Variants in COL12A1 observed in about 807,000 individuals in gnomAD.
The protein encoded by COL12A1 is collagen alpha-1(XII) chain.
In COL12A1, 114 loss-of-function variants were observed where a neutral mutation model predicts 349.7. The observed-to-expected ratio is 0.33, with a 90% confidence interval of 0.28 to 0.38. COL12A1 has a LOEUF of 0.38. COL12A1 is among the 10% of genes least tolerant of loss of function. COL12A1 has a pLI of 1.00. For synonymous variants in COL12A1, 1,369 were observed against 1,329.0 expected (o/e 1.03, Z -0.66); for missense variants, 3,284 against 3,756.9 (o/e 0.87, Z 3.29).
chr6:75,098,470 A>C (rs1768154046), intron 58 of COL12A1, among the ~76,000 whole-genome samples: 1 of 152,204 alleles, frequency 6.6e-6, no homozygotes, highest in Admixed American at 6.5e-5. Flanking sequence ...CCTGGGCAAC[A>C]TAAGAAGACC....
In COL12A1 at chr6:75,181,217, T is replaced by TAA. The variant is rs11347601; in HGVS notation, c.1892-8_1892-7dup. ...ATCCTTTGGAGGGACGTAAGCTATTTAAAAAAAAAAAAAGACAGTTAAAAA... is the reference window on the plus strand; with the variant it reads ...ATCCTTTGGAGGGACGTAAGCTATTTAAAAAAAAAAAAAAAGACAGTTAAAAA... On this transcript the variant is annotated splice_polypyrimidine_tract_variant and splice_region_variant and intron_variant, in intron 10 of 65. Transcript: ENST00000322507. 0.046 allele frequency: 53,903 copies of TAA among 1,176,834 alleles called. 19 individuals carry two copies. The highest frequency in any genetic ancestry group is 0.059 in the East Asian group (2,136 of 36,162). The allele number at this position is 1,176,834 out of a possible 1,614,324, so 72.9% of individuals were successfully genotyped here.
intron 60 of COL12A1, among the ~76,000 whole-genome samples, chr6:75,092,090 A>G (rs1452523890): frequency 6.6e-6 from 1 of 152,204 alleles, no homozygotes; most frequent in African/African-American, 2.4e-5. Flanking sequence ...TCGGCAAACT[A>G]TCACAAGAAC....
Position 75,102,588 on chromosome 6 carries a change from T to C in COL12A1, c.8415+9A>G, listed in dbSNP as rs1768355775. Reference sequence around the variant, plus strand: ...ACTCTCATTTAATACAGAAAGGCTTTGTGCTTACTTGCTCTCCCGGAATAG... The same window carrying C: ...ACTCTCATTTAATACAGAAAGGCTTCGTGCTTACTTGCTCTCCCGGAATAG... On this transcript the variant is annotated intron_variant, in intron 56 of 65. Transcript: ENST00000322507. 1 of 1,516,256 alleles carries C rather than the reference T, an allele frequency of 6.6e-7. No homozygotes were observed. The highest frequency in any genetic ancestry group is 8.8e-7 in the Non-Finnish European group (1 of 1,134,998). 93.9% of individuals were successfully genotyped at this position (1,516,256 alleles called of 1,614,324 possible).
intron 21 of COL12A1, among the ~76,000 whole-genome samples, 195 bp from the exon 22 acceptor site, chr6:75,148,692 G>C (rs1044021829): frequency 3.9e-5 from 6 of 152,058 alleles, no homozygotes; most frequent in African/African-American, 1.5e-4. Flanking sequence ...TAACTAAAAG[G>C]TTTTCTAGCC....
intron 14 of COL12A1, 112 bp downstream of exon 14, chr6:75,165,395 T>C (rs554165655): frequency 7.3e-7 from 1 of 1,374,544 alleles, no homozygotes; most frequent in Admixed American, 2.1e-5. Context: ...TCCTCAGTCT[T>C]CATTTATCAT....
chr6:75,205,389 C>T (rs1481735890), intron 1 of COL12A1, among the ~76,000 whole-genome samples: 1 of 151,706 alleles, frequency 6.6e-6, no homozygotes, highest in African/African-American at 2.4e-5. Context: ...GCGCCCCCGC[C>T]GCACGCCTGC....
chr6:75,177,856 C>T lies in COL12A1; in HGVS notation c.2244G>A (p.Gly748=), dbSNP rs2149456961. ...ATATAATTCGATATCTTAAAACTCT[C>T]CCTGGAGCTTGAGTCCAAGTAATTT... ...SFKITWTQAP[G]RVLRYRIIYR... The change falls in exon 12 of 66, where the codon GGG becomes GGA. Residue 748 remains glycine, a synonymous_variant. Coordinates refer to ENST00000322507, the MANE Select transcript of COL12A1 (RefSeq NM_004370.6). 5 of 1,614,014 alleles carry T rather than the reference C, an allele frequency of 3.1e-6. No individual in the cohort carries two copies. Among genetic ancestry groups the T allele is most frequent in the Non-Finnish European group, 4.2e-6 (5 of 1,180,012 alleles).
At position 75,177,913 on chromosome 6, in the gene COL12A1, T is replaced by C. The variant is rs1364699563; in HGVS notation, c.2187A>G (p.Leu729=). Residue 729 remains leucine (L), a synonymous_variant, in exon 12 of 66, where the codon CTA becomes CTG. Coordinates refer to ENST00000322507, the MANE Select transcript of COL12A1 (RefSeq NM_004370.6). Reference sequence around the variant, plus strand: ...TATCTGTAGTCTCATCTGTCACCTTTAGGTTTCGAGGTGCTCCTTTTACTG... The same window carrying C: ...TATCTGTAGTCTCATCTGTCACCTTCAGGTTTCGAGGTGCTCCTTTTACTG... ...TEEVKGAPRN[L]KVTDETTDSF... 6.2e-7 allele frequency: 1 copy of C among 1,610,424 alleles called. No homozygotes were observed. The highest frequency in any genetic ancestry group is 1.3e-5 in the African/African-American group (1 of 75,014).
At chr6:75,088,796 C>T (rs935666010) in intron 64 of COL12A1, among the ~76,000 whole-genome samples, 3 of 151,642 alleles carry the variant, frequency 2.0e-5, no homozygotes, top group African/African-American at 7.3e-5. Context: ...GTCAGGAGAT[C>T]GAGACCATCC....
At chr6:75,107,611 A>G (rs369996460) in intron 52 of COL12A1, among the ~76,000 whole-genome samples, 139 of 152,308 alleles carry the variant, frequency 9.1e-4, no homozygotes, top group African/African-American at 3.1e-3. Flanking sequence ...GAAAAGTAAC[A>G]TTAAAGTAAA....
Position 75,165,756 on chromosome 6 carries a change from C to T in COL12A1, c.2734G>A (p.Val912Ile). The T allele has an allele frequency of 6.2e-7, 1 of 1,613,790 alleles. No homozygotes were observed. Among genetic ancestry groups the T allele is most frequent in the South Asian group, 1.1e-5 (1 of 91,036 alleles). Residue 912 changes from valine (V) to isoleucine (I), a missense_variant, in exon 14 of 66, where the codon GTT (valine) becomes ATT (isoleucine). Val to Ile is a conservative substitution (Grantham distance 29). Around this residue, in one of 2 missense-constraint regions of COL12A1, gnomAD observed 2,601 missense variants for 2,824.8 expected, o/e 0.92. Transcript: ENST00000322507. The part of the protein sequence containing the change: ...LEERGSPQDL[V>I]TKDITDTSIG... ...GATGTGTCAGTGATGTCTTTAGTAACTAAATCTTGAGGAGAACCACGTTCT... is the reference window on the plus strand; with the variant it reads ...GATGTGTCAGTGATGTCTTTAGTAATTAAATCTTGAGGAGAACCACGTTCT...
At chr6:75,180,610 A>C (rs2149461318) in intron 11 of COL12A1, among the ~76,000 whole-genome samples, 1 of 152,152 alleles carries the variant, frequency 6.6e-6, no homozygotes, top group Admixed American at 6.5e-5. Flanking sequence ...TACAGTAAAC[A>C]ATTTCAGAAA....
chr6:75,134,774 G>A lies in COL12A1; in HGVS notation c.5476C>T (p.Leu1826=). The A allele has an allele frequency of 1.9e-6, 3 of 1,612,742 alleles. No homozygotes were observed. The highest frequency in any genetic ancestry group is 2.5e-6 in the Non-Finnish European group (3 of 1,179,098). ...CGACCTCCTTCACCATCAGGATACA[G>A]AGAGGATACGGTGATAGTGTAAGGA... ...DTPYTITVSS[L]YPDGEGGRMT... The change falls in exon 32 of 66, where the codon CTG becomes TTG. Residue 1826 remains leucine, a synonymous_variant. Coordinates refer to ENST00000322507, the MANE Select transcript of COL12A1 (RefSeq NM_004370.6).
chr6:75,176,639 C>T (rs533465108), intron 12 of COL12A1, among the ~76,000 whole-genome samples: 1 of 152,244 alleles, frequency 6.6e-6, no homozygotes, highest in Non-Finnish European at 1.5e-5. Flanking sequence ...CATTTATTAG[C>T]TGTGTGGTCT....
At chr6:75,164,931 T>TAAAATA (rs1397179060) in intron 14 of COL12A1, among the ~76,000 whole-genome samples, 2 of 151,880 alleles carry the variant, frequency 1.3e-5, no homozygotes, top group African/African-American at 2.4e-5. Flanking sequence ...ATAATAGGAA[T>TAAAATA]AAAATAAAAA....
intron 46 of COL12A1, among the ~76,000 whole-genome samples, chr6:75,118,204 TCA>T (rs972973732): frequency 3.3e-5 from 5 of 151,294 alleles, no homozygotes; most frequent in Admixed American, 1.3e-4. Flanking sequence ...CTACCAGGAG[TCA>T]CAAACATGCA....
At chr6:75,127,747 C>A (rs1161874275) in intron 38 of COL12A1, among the ~76,000 whole-genome samples, 1 of 152,092 alleles carries the variant, frequency 6.6e-6, no homozygotes, top group Non-Finnish European at 1.5e-5. Flanking sequence ...AATTTTTAAA[C>A]CCTAAGAAAT....
intron 58 of COL12A1, 95 bp downstream of exon 58, chr6:75,101,493 AAGATATATTACC>A (rs1768299834): frequency 9.4e-7 from 1 of 1,062,538 alleles, no homozygotes; most frequent in African/African-American, 1.6e-5. Context: ...AGCTTTCCAC[AAGATATATTACC>A]AGCCTTGCAA....
chr6:75,146,767 G>A (rs1329317359), intron 23 of COL12A1, among the ~76,000 whole-genome samples: 1 of 152,072 alleles, frequency 6.6e-6, no homozygotes, highest in Non-Finnish European at 1.5e-5. Flanking sequence ...CACCCATATT[G>A]CTTCCAATTA....
Sources: gnomAD v4.1 joint callset for allele counts (sites outside exome capture counted in the v4.1 genomes callset) on GRCh38, gnomAD v4.1.1 for gene constraint, gnomAD v4.1.1 regional missense constraint, MANE v1.5 for transcripts, NCBI Gene and HGNC (gene_info 2026-07-23, HGNC 2026-07-21) for gene names.